Variants in LOC128092252 observed in about 807,000 individuals in gnomAD.
chr15:50,648,827 T>C, the LOC128092252 span: 2 of 1,613,102 alleles, frequency 1.2e-6, no homozygotes, highest in Non-Finnish European at 1.7e-6. Context: ...TCTGAGTATT[T>C]CATGGCAAGA....
At chr15:50,652,081 C>T in the LOC128092252 span, among the ~76,000 whole-genome samples, 20 of 151,358 alleles carry the variant, frequency 1.3e-4, no homozygotes, top group African/African-American at 4.8e-4. Context: ...GCCTGTAATC[C>T]CAGCACTTCA....
the LOC128092252 span, chr15:50,686,432 C>G: frequency 4.4e-6 from 7 of 1,598,888 alleles, no homozygotes; most frequent in South Asian, 7.7e-5. Context: ...TCCTTCGCCG[C>G]ATGGAACGCG....
the LOC128092252 span, among the ~76,000 whole-genome samples, chr15:50,664,225 G>A: frequency 1.2e-4 from 18 of 150,534 alleles, no homozygotes; most frequent in African/African-American, 4.4e-4. Context: ...TTGAACCAGG[G>A]AGTGAACCAG....
At chr15:50,654,360 T>C in the LOC128092252 span, among the ~76,000 whole-genome samples, 10 of 151,020 alleles carry the variant, frequency 6.6e-5, no homozygotes, top group African/African-American at 1.9e-4. Flanking sequence ...GGCAGGAGAA[T>C]TGCTTGAACC....
the LOC128092252 span, among the ~76,000 whole-genome samples, chr15:50,678,736 T>A: frequency 1.3e-5 from 2 of 151,976 alleles, no homozygotes; most frequent in African/African-American, 4.8e-5. Context: ...TTCTATATAT[T>A]TAAAAACTTA....
chr15:50,658,420 AT>A, the LOC128092252 span, among the ~76,000 whole-genome samples: 4 of 151,900 alleles, frequency 2.6e-5, no homozygotes, highest in Non-Finnish European at 1.5e-5. Context: ...AAAAAAAAAA[AT>A]TAGCTAGGGG....
chr15:50,678,513 AAAAAAT>A, the LOC128092252 span, among the ~76,000 whole-genome samples: 8 of 77,662 alleles, frequency 1.0e-4, no homozygotes, highest in Admixed American at 6.3e-4. Context: ...CTTTAAAAAA[AAAAAAT>A]ATATATATAT....
At chr15:50,672,893 T>C in the LOC128092252 span, among the ~76,000 whole-genome samples, 1 of 90,624 alleles carries the variant, frequency 1.1e-5, no homozygotes, top group African/African-American at 5.2e-5. Flanking sequence ...AGTGAGACTC[T>C]GTCTCAAAAA....
the LOC128092252 span, among the ~76,000 whole-genome samples, chr15:50,686,117 C>G: frequency 1.3e-5 from 2 of 152,336 alleles, no homozygotes; most frequent in South Asian, 4.1e-4. Flanking sequence ...TTGAGCAGAG[C>G]ATTTGGTTCC....
At chr15:50,677,750 A>AC in the LOC128092252 span, among the ~76,000 whole-genome samples, 2 of 148,252 alleles carry the variant, frequency 1.3e-5, no homozygotes, top group Non-Finnish European at 3.0e-5. Flanking sequence ...AAAAAAAAAA[A>AC]AAAAAAAAAA....
At chr15:50,665,459 T>C in the LOC128092252 span, among the ~76,000 whole-genome samples, 2 of 151,554 alleles carry the variant, frequency 1.3e-5, no homozygotes, top group Admixed American at 1.3e-4. Flanking sequence ...TTTCAGACAC[T>C]GGGTATCTGG....
the LOC128092252 span, chr15:50,663,024 C>G: frequency 6.2e-7 from 1 of 1,613,684 alleles, no homozygotes; most frequent in Non-Finnish European, 8.5e-7. Context: ...GGTCAAAGTG[C>G]TTTCTATCCA....
chr15:50,657,451 A>G, the LOC128092252 span, among the ~76,000 whole-genome samples: 2 of 152,168 alleles, frequency 1.3e-5, no homozygotes, highest in Non-Finnish European at 2.9e-5. Flanking sequence ...TCCAGGCCCA[A>G]ATCTCTCAAA....
chr15:50,673,649 T>TAC, the LOC128092252 span, among the ~76,000 whole-genome samples: 143 of 152,036 alleles, frequency 9.4e-4, no homozygotes, highest in Non-Finnish European at 1.9e-3. Context: ...TATATATATA[T>TAC]ACCACAGTTT....
the LOC128092252 span, among the ~76,000 whole-genome samples, chr15:50,677,521 G>A: frequency 2.2e-4 from 33 of 150,416 alleles, 1 homozygote; most frequent in East Asian, 6.6e-3. Flanking sequence ...CAGGCGGATC[G>A]CAAGGTCAGA....
At chr15:50,678,020 A>C in the LOC128092252 span, among the ~76,000 whole-genome samples, 8 of 151,974 alleles carry the variant, frequency 5.3e-5, no homozygotes, top group African/African-American at 1.9e-4. Flanking sequence ...CGGGCGGATC[A>C]CGAGGTCAGG....
the LOC128092252 span, among the ~76,000 whole-genome samples, chr15:50,671,518 T>G: frequency 3.3e-3 from 503 of 152,278 alleles, 2 homozygotes; most frequent in Middle Eastern, 0.034. Context: ...AAATTCCTAT[T>G]GCAGGCTGGG....
chr15:50,662,085 T>A, the LOC128092252 span, among the ~76,000 whole-genome samples: 1 of 152,120 alleles, frequency 6.6e-6, no homozygotes, highest in Non-Finnish European at 1.5e-5. Context: ...CTGGGCGCGG[T>A]GGCTCACGCC....
the LOC128092252 span, among the ~76,000 whole-genome samples, chr15:50,671,231 C>T: frequency 1.3e-5 from 2 of 152,080 alleles, no homozygotes; most frequent in African/African-American, 4.8e-5. Context: ...TGATAACCAC[C>T]ATTCTACTCT....
Sources: gnomAD v4.1 joint callset for allele counts (sites outside exome capture counted in the v4.1 genomes callset) on GRCh38, gnomAD v4.1.1 for gene constraint, MANE v1.5 for transcripts.